Variants in SEMA6A observed in about 807,000 individuals in gnomAD.
SEMA6A encodes the protein semaphorin-6A.
Under a neutral mutation model 96.8 loss-of-function variants are expected in SEMA6A, and 25 were observed. The observed-to-expected ratio is 0.26, with a 90% CI of 0.19 to 0.36. The LOEUF (loss-of-function observed/expected upper bound fraction) is 0.36. Among genes scored for constraint, SEMA6A ranks in the 10% least tolerant of loss-of-function variants. The pLI, the probability that SEMA6A is intolerant of heterozygous loss-of-function variation, is 1.00. For missense variants in SEMA6A, 1,363 were observed against 1,323.1 expected (o/e 1.03, Z -0.47); for synonymous variants, 612 against 518.0 (o/e 1.18, Z -2.46).
At chr5:116,471,909 T>C (rs1192469357) in intron 17 of SEMA6A, among the ~76,000 whole-genome samples, 5 of 152,200 alleles carry the variant, frequency 3.3e-5, no homozygotes, top group Non-Finnish European at 5.9e-5. Flanking sequence ...TTGTTTCTTT[T>C]CTTTTCCCTT....
At chr5:116,513,248 C>A (rs1050737431) in intron 1 of SEMA6A, among the ~76,000 whole-genome samples, 1 of 152,136 alleles carries the variant, frequency 6.6e-6, no homozygotes, top group African/African-American at 2.4e-5. Flanking sequence ...CTGCTCCAGC[C>A]TCCTGAGTAG....
chr5:116,460,122 A>G (rs1388824562), intron 18 of SEMA6A, among the ~76,000 whole-genome samples: 2 of 152,210 alleles, frequency 1.3e-5, no homozygotes, highest in African/African-American at 4.8e-5. Flanking sequence ...AGGAATACAT[A>G]TGGTTAACAT....
At chr5:116,469,860 T>C (rs1756001232) in intron 17 of SEMA6A, among the ~76,000 whole-genome samples, 1 of 152,212 alleles carries the variant, frequency 6.6e-6, no homozygotes, top group African/African-American at 2.4e-5. Flanking sequence ...GTGGACCAGA[T>C]GGTAGTTAGG....
In SEMA6A at chr5:116,552,437, A is replaced by G. The variant is rs188491414; in HGVS notation, c.-39+21748T>C. Among the ~76,000 whole-genome samples, 21 of 152,320 alleles carry G rather than the reference A, an allele frequency of 1.4e-4. No homozygotes were observed. In the East Asian group the frequency reaches 4.1e-3, roughly 29 times the overall value. On this transcript the variant is annotated intron_variant, in intron 1 of 18. Coordinates refer to ENST00000343348, the MANE Select transcript of SEMA6A (RefSeq NM_020796.5). ...ATGGGAATGAAATGAGATGGTGCAT[A>G]TAAAAAAGCTCTGCAAAACTTTACA...
intron 1 of SEMA6A, among the ~76,000 whole-genome samples, chr5:116,527,039 C>A (rs1759259315): frequency 1.3e-5 from 2 of 152,060 alleles, no homozygotes; most frequent in South Asian, 2.1e-4. Context: ...CTTAATATTA[C>A]ATTAGATATT....
At position 116,488,212 on chromosome 5, in the gene SEMA6A, C is replaced by A. The variant is rs940143621; in HGVS notation, c.656-16G>T. On this transcript the variant is annotated splice_polypyrimidine_tract_variant and intron_variant, in intron 8 of 18. Transcript: ENST00000343348. Reference sequence around the variant, plus strand: ...AAGTATGGTTCTGTAGACAAACAGGCACTTTAATTGGGAACATGTCAAACA... The same window carrying A: ...AAGTATGGTTCTGTAGACAAACAGGAACTTTAATTGGGAACATGTCAAACA... 2.0e-6 allele frequency: 3 copies of A among 1,534,854 alleles called. No homozygotes were observed. In the African/African-American group the frequency reaches 4.1e-5, roughly 21 times the overall value.
Position 116,480,179 on chromosome 5 carries a change from A to T in SEMA6A, c.1193T>A (p.Met398Lys), listed in dbSNP as rs767919032. Reference protein sequence around the residue: ...TLNFIKTHPLMDEAVPSIFNR... With the variant: ...TLNFIKTHPLKDEAVPSIFNR... The stretch of plus-strand genomic sequence containing the variant: ...GAAGATGGAGGGCACTGCCTCATCC[A>T]TGAGCGGGTGCGTCTTGATGAAGTT... Residue 398 changes from methionine (M) to lysine (K), a missense_variant, in exon 12 of 19, where the codon ATG (methionine) becomes AAG (lysine). This residue lies in a region of SEMA6A where 480 missense variants were observed against 559.5 expected (regional missense o/e 0.86). Transcript: ENST00000343348. 3 of 1,613,766 alleles carry T rather than the reference A, an allele frequency of 1.9e-6. No homozygotes were observed. Among genetic ancestry groups the T allele is most frequent in the Non-Finnish European group, 2.5e-6 (3 of 1,179,814 alleles).
At chr5:116,505,238 T>G (rs1200158081) in intron 1 of SEMA6A, among the ~76,000 whole-genome samples, 1 of 152,186 alleles carries the variant, frequency 6.6e-6, no homozygotes, top group Non-Finnish European at 1.5e-5. Context: ...CTGAGCCATC[T>G]TTAGGCTTTT....
chr5:116,489,991 T>C (rs1757255810), intron 7 of SEMA6A, among the ~76,000 whole-genome samples: 1 of 152,234 alleles, frequency 6.6e-6, no homozygotes, highest in Admixed American at 6.5e-5. Flanking sequence ...GTGACTTACA[T>C]ACAACATAGT....
rs1001798154 is a variant in SEMA6A at position 116,445,770 on chromosome 5, G to T, written c.*843C>A. On this transcript the variant is annotated 3_prime_UTR_variant, in exon 19 of 19. Transcript: ENST00000343348. ...AACTTATTTACTCAGTGAATTTATT[G>T]TAAAAATAAAGAAACTCAATTATTC... The T allele has an allele frequency of 6.6e-6, 1 of 152,580 alleles. No homozygotes were observed. The highest frequency in any genetic ancestry group is 2.1e-4 in the South Asian group (1 of 4,826). The allele number at this position is 152,580 out of a possible 1,614,324, so 9.5% of individuals were successfully genotyped here.
intron 18 of SEMA6A, among the ~76,000 whole-genome samples, chr5:116,465,908 A>G (rs1323549056): frequency 6.6e-6 from 1 of 152,172 alleles, no homozygotes; most frequent in African/African-American, 2.4e-5. Context: ...GGACTAGCAC[A>G]TCTGAGGTCA....
chr5:116,446,682 C>T lies in SEMA6A; in HGVS notation c.3024G>A (p.Pro1008=), dbSNP rs767766891. 9.6e-6 allele frequency: 15 copies of T among 1,565,250 alleles called. No homozygotes were observed. The Admixed American group carries it at 2.0e-4, about 21-fold the overall frequency. Reference sequence around the variant, plus strand: ...CAAAGGATGGTTTGGGGGGTACGTCCGGCTTTAGCGAGGGCGTACGCTTCA... The same window carrying T: ...CAAAGGATGGTTTGGGGGGTACGTCTGGCTTTAGCGAGGGCGTACGCTTCA... The part of the protein sequence containing the change: ...SGLKRTPSLK[P]DVPPKPSFAP... Residue 1008 remains proline (P), a synonymous_variant, in exon 19 of 19, where the codon CCG becomes CCA. Transcript: ENST00000343348.
Position 116,446,672 on chromosome 5 carries a change from G to C in SEMA6A, c.3034C>G (p.Pro1012Ala). 1.3e-6 allele frequency: 2 copies of C among 1,555,876 alleles called. No homozygotes were observed. Among genetic ancestry groups the C allele is most frequent in the Non-Finnish European group, 8.7e-7 (1 of 1,149,518 alleles). Residue 1012 changes from proline (P) to alanine (A), a missense_variant, in exon 19 of 19, where the codon CCC becomes GCC. Coordinates refer to ENST00000343348, the MANE Select transcript of SEMA6A (RefSeq NM_020796.5). ...GAAAGGGGAGCAAAGGATGGTTTGG[G>C]GGGTACGTCCGGCTTTAGCGAGGGC... is the stretch of plus-strand genomic sequence containing the variant. ...RTPSLKPDVP[P>A]KPSFAPLSTS...
At chr5:116,466,009 A>G (rs1156258175) in intron 18 of SEMA6A, among the ~76,000 whole-genome samples, 1 of 151,006 alleles carries the variant, frequency 6.6e-6, no homozygotes, top group Non-Finnish European at 1.5e-5. Context: ...CGGGATGGAA[A>G]GAGCAGGGAA....
chr5:116,521,857 TTA>T (rs1168537472), intron 1 of SEMA6A, among the ~76,000 whole-genome samples: 1 of 151,808 alleles, frequency 6.6e-6, no homozygotes, highest in East Asian at 1.9e-4. Flanking sequence ...TAACATAATT[TTA>T]GATTAGTTGT....
At chr5:116,544,024 GA>G (rs34736739) in intron 1 of SEMA6A, among the ~76,000 whole-genome samples, 5,865 of 152,204 alleles carry the variant, frequency 0.039, 391 homozygotes, top group African/African-American at 0.13. Context: ...CACCCTAGTA[GA>G]AAATAGGAAA....
chr5:116,468,158 C>A, intron 17 of SEMA6A: 1 of 166,442 alleles, frequency 6.0e-6, no homozygotes, highest in Admixed American at 6.2e-5. Flanking sequence ...ATTCCCATGG[C>A]AGCACTAAAC....
intron 17 of SEMA6A, chr5:116,472,333 C>A (rs1756198453): frequency 6.6e-6 from 1 of 152,272 alleles, no homozygotes; most frequent in African/African-American, 2.4e-5. Context: ...TCCTTGTCTA[C>A]ATTCTGAAGA....
At chr5:116,477,973 C>T (rs1161541781) in intron 14 of SEMA6A, 41 bp downstream of exon 14, 9 of 1,613,866 alleles carry the variant, frequency 5.6e-6, no homozygotes, top group Non-Finnish European at 7.6e-6. Flanking sequence ...GTTTCCTAGC[C>T]ACCATGGACT....
Sources: gnomAD v4.1 joint callset for allele counts (sites outside exome capture counted in the v4.1 genomes callset) on GRCh38, gnomAD v4.1.1 for gene constraint, gnomAD v4.1.1 regional missense constraint, MANE v1.5 for transcripts, NCBI Gene and HGNC (gene_info 2026-07-23, HGNC 2026-07-21) for gene names.